BMAL2: variants seen among roughly 807,000 people sequenced by gnomAD.
The protein encoded by BMAL2 is basic helix-loop-helix ARNT like 2.
the BMAL2 span, chr12:27,370,284 G>C: frequency 3.7e-6 from 5 of 1,362,358 alleles, no homozygotes; most frequent in African/African-American, 7.2e-5. Flanking sequence ...AGAGGGCATA[G>C]AGTGGCAGTG....
chr12:27,356,908 C>G, the BMAL2 span, among the ~76,000 whole-genome samples: 34 of 152,010 alleles, frequency 2.2e-4, no homozygotes, highest in African/African-American at 3.1e-4. Flanking sequence ...CTCACCCCCC[C>G]ACCCTTTCCC....
At chr12:27,394,099 G>T in the BMAL2 span, among the ~76,000 whole-genome samples, 1 of 151,994 alleles carries the variant, frequency 6.6e-6, no homozygotes, top group South Asian at 2.1e-4. Flanking sequence ...ATCCCTCTAA[G>T]TTTAAAATTT....
the BMAL2 span, among the ~76,000 whole-genome samples, chr12:27,367,761 G>A: frequency 6.6e-6 from 1 of 151,524 alleles, no homozygotes; most frequent in Non-Finnish European, 1.5e-5. Context: ...TATTTAAAAT[G>A]TGTCTATATA....
At chr12:27,333,129 G>C in the BMAL2 span, 10 of 1,204,028 alleles carry the variant, frequency 8.3e-6, no homozygotes, top group Non-Finnish European at 1.0e-5. Flanking sequence ...GCGAGGCGAC[G>C]GCCCCAGGTG....
chr12:27,361,523 C>A, the BMAL2 span, among the ~76,000 whole-genome samples: 26 of 152,188 alleles, frequency 1.7e-4, no homozygotes, highest in African/African-American at 6.3e-4. Flanking sequence ...AAGACAATAT[C>A]AAAACATTAA....
the BMAL2 span, among the ~76,000 whole-genome samples, chr12:27,363,555 G>T: frequency 6.6e-6 from 1 of 152,054 alleles, no homozygotes; most frequent in African/African-American, 2.4e-5. Context: ...GATTTTCCTG[G>T]TTACCAATGA....
chr12:27,359,526 T>A, the BMAL2 span, among the ~76,000 whole-genome samples: 7,412 of 151,874 alleles, frequency 0.049, 451 homozygotes, highest in East Asian at 0.34. Context: ...AAATTTTTTT[T>A]AAAAAATCAA....
At chr12:27,382,895 A>C in the BMAL2 span, among the ~76,000 whole-genome samples, 3 of 152,216 alleles carry the variant, frequency 2.0e-5, no homozygotes, top group Non-Finnish European at 4.4e-5. Flanking sequence ...AATACAGTTA[A>C]TTATGGAAAA....
the BMAL2 span, among the ~76,000 whole-genome samples, chr12:27,395,425 TA>T: frequency 1.3e-5 from 2 of 152,226 alleles, no homozygotes; most frequent in Admixed American, 1.3e-4. Flanking sequence ...TGCGGACTTT[TA>T]ACCCTTTGCA....
chr12:27,368,494 T>C, the BMAL2 span: 3 of 1,486,704 alleles, frequency 2.0e-6, no homozygotes, highest in African/African-American at 2.8e-5. Flanking sequence ...AATCATTAAT[T>C]ATTTCCAAGT....
the BMAL2 span, among the ~76,000 whole-genome samples, chr12:27,410,115 T>G: frequency 0.67 from 100,692 of 149,350 alleles, 34,595 homozygotes; most frequent in Middle Eastern, 0.84. Flanking sequence ...GAGAGGATGT[T>G]GAGAAATAGG....
chr12:27,415,813 A>C, the BMAL2 span: 1 of 1,255,400 alleles, frequency 8.0e-7, no homozygotes, highest in South Asian at 1.3e-5. Context: ...TTAGAGGAGA[A>C]AATTTCCTTC....
At chr12:27,362,567 C>A in the BMAL2 span, among the ~76,000 whole-genome samples, 8 of 152,042 alleles carry the variant, frequency 5.3e-5, no homozygotes, top group East Asian at 1.2e-3. Flanking sequence ...ATGGTCACAC[C>A]CCCCTTTCTT....
the BMAL2 span, among the ~76,000 whole-genome samples, chr12:27,334,735 A>G: frequency 6.6e-6 from 1 of 152,256 alleles, no homozygotes; most frequent in Non-Finnish European, 1.5e-5. Flanking sequence ...GAATAATAAA[A>G]ATTAAATTTT....
the BMAL2 span, among the ~76,000 whole-genome samples, chr12:27,396,674 T>C: frequency 1.3e-5 from 2 of 152,256 alleles, no homozygotes; most frequent in Non-Finnish European, 2.9e-5. Context: ...ACACAGATGC[T>C]TGCACTCAGA....
the BMAL2 span, chr12:27,420,660 A>G: frequency 2.2e-4 from 245 of 1,094,222 alleles, no homozygotes; most frequent in African/African-American, 2.9e-3. Context: ...ACCACTTTTT[A>G]TAGATTTGCA....
the BMAL2 span, among the ~76,000 whole-genome samples, chr12:27,413,368 C>G: frequency 6.6e-6 from 1 of 152,086 alleles, no homozygotes; most frequent in Non-Finnish European, 1.5e-5. Context: ...TCAATTGTGA[C>G]ATCAGTAACA....
the BMAL2 span, among the ~76,000 whole-genome samples, chr12:27,356,195 T>A: frequency 2.0e-5 from 3 of 152,184 alleles, no homozygotes. Flanking sequence ...CTCTTATCTG[T>A]TTAGGCGAAG....
the BMAL2 span, among the ~76,000 whole-genome samples, chr12:27,357,255 C>T: frequency 9.9e-5 from 15 of 152,178 alleles, no homozygotes; most frequent in Non-Finnish European, 4.4e-5. Flanking sequence ...TTCTTTTCCT[C>T]TTGGTAGATA....
Sources: gnomAD v4.1 joint callset for allele counts (sites outside exome capture counted in the v4.1 genomes callset) on GRCh38, gnomAD v4.1.1 for gene constraint, MANE v1.5 for transcripts, NCBI Gene and HGNC (gene_info 2026-07-23, HGNC 2026-07-21) for gene names.